The following GLG1 variants were observed in gnomAD, a reference collection of about 807,000 sequenced individuals.
GLG1 encodes the protein Golgi apparatus protein 1.
Under a neutral mutation model 160.5 loss-of-function variants are expected in GLG1, and 38 were observed. The ratio of observed to expected loss-of-function variants is 0.24; its 90% CI spans 0.18 to 0.31. The LOEUF is 0.31. Among genes scored for constraint, GLG1 ranks in the 10% least tolerant of loss-of-function variants. The probability of loss-of-function intolerance (pLI) is 1.00; values close to 1 mark genes in which losing one functional copy is unlikely to be tolerated. For synonymous variants in GLG1, 644 were observed against 543.4 expected, an observed-to-expected ratio of 1.19 and a Z score of -2.57; for missense variants, 1,373 against 1,505.2, an observed-to-expected ratio of 0.91 and a Z score of 1.45.
chr16:74,482,925 A>G, intron 10 of GLG1, 98 bp downstream of exon 10: 3 of 751,476 alleles, frequency 4.0e-6, no homozygotes, highest in Non-Finnish European at 7.1e-6. Context: ...CTGAACAAAA[A>G]GAGTTTCCTA....
At chr16:74,576,357 T>C (rs938975501) in intron 1 of GLG1, among the ~76,000 whole-genome samples, 2 of 152,218 alleles carry the variant, frequency 1.3e-5, no homozygotes, top group African/African-American at 4.8e-5. Context: ...AACATTTTTC[T>C]AACTTAAAAT....
At chr16:74,513,413 AG>A (rs2016876297) in intron 2 of GLG1, among the ~76,000 whole-genome samples, 1 of 152,132 alleles carries the variant, frequency 6.6e-6, no homozygotes, top group Admixed American at 6.5e-5. Context: ...TCATACAGGC[AG>A]GTGCCCCTCT....
At chr16:74,552,259 G>A in intron 1 of GLG1, 3 of 563,652 alleles carry the variant, frequency 5.3e-6, no homozygotes, top group South Asian at 4.6e-5. Context: ...AGATGCTGAT[G>A]CCTAAGAAGA....
intron 18 of GLG1, 73 bp downstream of exon 18, chr16:74,467,683 C>A: frequency 1.9e-6 from 2 of 1,036,994 alleles, no homozygotes; most frequent in South Asian, 2.7e-5. Flanking sequence ...CTTATGGGCA[C>A]TAGCTTTTGA....
At chr16:74,463,714 G>A (rs1247537591) in intron 19 of GLG1, among the ~76,000 whole-genome samples, 1 of 138,068 alleles carries the variant, frequency 7.2e-6, no homozygotes, top group Non-Finnish European at 1.5e-5. Flanking sequence ...ACCACGCCCA[G>A]CTCATTTTTG....
intron 1 of GLG1, among the ~76,000 whole-genome samples, chr16:74,600,357 C>T (rs1958412488): frequency 1.3e-5 from 2 of 151,194 alleles, no homozygotes; most frequent in Non-Finnish European, 2.9e-5. Context: ...CATGCCACTG[C>T]ACTCCAGCCA....
At chr16:74,538,926 G>C (rs1362738646) in intron 1 of GLG1, among the ~76,000 whole-genome samples, 2 of 151,594 alleles carry the variant, frequency 1.3e-5, no homozygotes, top group Non-Finnish European at 2.9e-5. Flanking sequence ...GTTTCATGGA[G>C]GGTACATTTG....
chr16:74,516,386 T>C (rs1450559143), intron 2 of GLG1, among the ~76,000 whole-genome samples: 1 of 151,722 alleles, frequency 6.6e-6, no homozygotes, highest in Non-Finnish European at 1.5e-5. Flanking sequence ...AAACTAGAAC[T>C]CAGGATTAAG....
intron 2 of GLG1, among the ~76,000 whole-genome samples, chr16:74,511,585 T>TAA (rs1172903763): frequency 0.037 from 3,116 of 84,888 alleles, 44 homozygotes; most frequent in Non-Finnish European, 0.048. Flanking sequence ...CTTTTTTTTT[T>TAA]AAAAAAAAAA....
intron 1 of GLG1, among the ~76,000 whole-genome samples, chr16:74,593,967 C>A (rs1350056093): frequency 1.3e-5 from 2 of 151,956 alleles, no homozygotes; most frequent in Non-Finnish European, 2.9e-5. Flanking sequence ...AGTGCAATGG[C>A]ACGATCTTGG....
chr16:74,507,412 ATATG>A (rs1164439815), intron 3 of GLG1, among the ~76,000 whole-genome samples: 1 of 152,110 alleles, frequency 6.6e-6, no homozygotes, highest in Non-Finnish European at 1.5e-5. Flanking sequence ...GGGTATATAT[ATATG>A]TATCTCTCCA....
chr16:74,506,160 C>A (rs1479583653), intron 3 of GLG1, among the ~76,000 whole-genome samples: 1 of 141,870 alleles, frequency 7.0e-6, no homozygotes, highest in African/African-American at 2.6e-5. Flanking sequence ...GCTTGAAAAT[C>A]CCAGCACTTG....
At chr16:74,582,828 TAAATAAAATAAAATAAAATA>T (rs144626583) in intron 1 of GLG1, among the ~76,000 whole-genome samples, 104,791 of 147,492 alleles carry the variant, frequency 0.71, 37,789 homozygotes, top group African/African-American at 0.82. Flanking sequence ...CTCAAAAAAA[TAAATAAAATAAAATAAAATA>T]AAATAAAATA....
rs571580158 is a variant in GLG1, at chr16:74,595,763, T to G, written c.438+10894A>C. On this transcript the variant is annotated intron_variant, in intron 1 of 25. Coordinates refer to ENST00000422840, the MANE Select transcript of GLG1 (RefSeq NM_001145667.2). ...CTAGTAGTCATTTATTTTTAAAAAG[T>G]AAAATTGATTTTGTAATTTATTATT... Among the ~76,000 whole-genome samples the G allele has an allele frequency of 5.3e-5, 8 of 152,316 alleles. 1 individual carries two copies. The South Asian group carries it at 1.2e-3, about 24-fold the overall frequency.
In GLG1 at chr16:74,459,780, G is replaced by A. The variant is rs762576490; in HGVS notation, c.3046C>T (p.Leu1016=). 6 of 1,587,218 alleles carry A rather than the reference G, an allele frequency of 3.8e-6. No individual in the cohort carries two copies. In the East Asian group the frequency reaches 1.1e-4, roughly 30 times the overall value. Residue 1016 remains leucine, a synonymous_variant, in exon 23 of 26, where the codon CTA becomes TTA. Transcript: ENST00000422840. ...QLHCSDEISS[L]CAEEAAAQEQ... is the part of the protein sequence containing the mutation. ...TGGGCTGCTGCTTCTTCAGCACATA[G>A]ACTGGAGATCTGTTCAGGAGACACA...
At chr16:74,602,748 A>C (rs1469735306) in intron 1 of GLG1, among the ~76,000 whole-genome samples, 1 of 151,032 alleles carries the variant, frequency 6.6e-6, no homozygotes, top group Non-Finnish European at 1.5e-5. Flanking sequence ...GTGCCCCTGC[A>C]CTCCAGCCTG....
chr16:74,477,365 T>C (rs201110659), intron 12 of GLG1, 31 bp downstream of exon 12: 69 of 1,546,290 alleles, frequency 4.5e-5, no homozygotes, highest in Admixed American at 1.2e-4. Context: ...TCATCATTAT[T>C]GTAAGACAAA....
intron 3 of GLG1, among the ~76,000 whole-genome samples, chr16:74,505,060 C>G (rs751844020): frequency 6.6e-6 from 1 of 152,110 alleles, no homozygotes; most frequent in Non-Finnish European, 1.5e-5. Flanking sequence ...AAACAAGAAA[C>G]AGTGCTTTAT....
chr16:74,463,609 G>T, intron 19 of GLG1, 130 bp from the exon 20 acceptor site: 1 of 841,822 alleles, frequency 1.2e-6, no homozygotes, highest in Non-Finnish European at 1.9e-6. Flanking sequence ...GCGCAATTCG[G>T]CTTACTGCAA....
Sources: allele counts gnomAD v4.1 joint callset (sites outside exome capture counted in the v4.1 genomes callset), GRCh38; gene constraint gnomAD v4.1.1; transcripts MANE v1.5; gene names NCBI Gene and HGNC (gene_info 2026-07-23, HGNC 2026-07-21).